The following TNFRSF10C variants were observed in gnomAD, a reference collection of about 807,000 sequenced individuals.
TNFRSF10C encodes the protein TNF receptor superfamily member 10c.
Under a neutral mutation model 16.7 loss-of-function variants are expected in TNFRSF10C, and 17 were observed. That is an observed-to-expected ratio of 1.02 (90% CI 0.70 to 1.53). The LOEUF is 1.53. Among genes scored for constraint, TNFRSF10C ranks in the 40% most tolerant of loss-of-function variants. TNFRSF10C has a pLI of 0.00. For missense variants in TNFRSF10C, 237 were observed against 329.7 expected, an observed-to-expected ratio of 0.72 and a Z score of 2.18; for synonymous variants, 73 against 119.7, an observed-to-expected ratio of 0.61 and a Z score of 2.55.
At chr8:23,109,640 AAAAAAAG>A (rs200513632) in intron 1 of TNFRSF10C, among the ~76,000 whole-genome samples, 5 of 152,220 alleles carry the variant, frequency 3.3e-5, no homozygotes, top group Middle Eastern at 3.4e-3. Flanking sequence ...ATCTCAAAAA[AAAAAAAG>A]AAAAAGAAAA....
chr8:23,114,821 G>C (rs1585249115), intron 3 of TNFRSF10C, 51 bp downstream of exon 3: 1 of 1,528,508 alleles, frequency 6.5e-7, no homozygotes, highest in African/African-American at 1.4e-5. Flanking sequence ...GGGCAATGAG[G>C]TGGGAGTTGT....
intron 2 of TNFRSF10C, among the ~76,000 whole-genome samples, chr8:23,113,923 T>C (rs1813927750): frequency 6.7e-6 from 1 of 148,318 alleles, no homozygotes; most frequent in Admixed American, 6.8e-5. Context: ...GCCACTGCAC[T>C]CCAGCCAGGT....
chr8:23,104,387 T>G (rs908039929), intron 1 of TNFRSF10C, among the ~76,000 whole-genome samples: 2 of 152,250 alleles, frequency 1.3e-5, no homozygotes, highest in African/African-American at 4.8e-5. Context: ...GGTATTGTAT[T>G]TTACTGCATG....
Position 23,117,333 on chromosome 8 carries a change from A to G in TNFRSF10C, c.*302A>G. On this transcript the variant is annotated 3_prime_UTR_variant, in exon 5 of 5. Transcript: ENST00000356864. ...CAAGAGGGCAGGGCCAGTTCCTCCC[A>G]TCTTCAGGCCCAGCCAGGCAGGGGG... The G allele has an allele frequency of 6.3e-6, 3 of 476,466 alleles. No individual in the cohort carries two copies. The South Asian group carries it at 8.6e-5, about 14-fold the overall frequency. 29.5% of individuals were successfully genotyped at this position (476,466 alleles called of 1,614,324 possible).
At chr8:23,113,825 C>T (rs1016980006) in intron 2 of TNFRSF10C, among the ~76,000 whole-genome samples, 6 of 151,810 alleles carry the variant, frequency 4.0e-5, no homozygotes, top group African/African-American at 9.7e-5. Flanking sequence ...CGTGGTGGTG[C>T]GTCGCCTATA....
intron 1 of TNFRSF10C, among the ~76,000 whole-genome samples, chr8:23,105,388 C>G (rs1048185148): frequency 1.3e-5 from 2 of 152,228 alleles, no homozygotes; most frequent in African/African-American, 2.4e-5. Flanking sequence ...GAGGCTGCCC[C>G]TGTTCCTACC....
At chr8:23,111,653 T>G (rs1203585582) in intron 1 of TNFRSF10C, 67 bp from the exon 2 acceptor site, 33 of 1,254,950 alleles carry the variant, frequency 2.6e-5, no homozygotes, top group African/African-American at 7.4e-5. Context: ...GAAGGGAATG[T>G]GAGATGGAGC....
intron 2 of TNFRSF10C, among the ~76,000 whole-genome samples, chr8:23,112,280 C>T (rs1445141218): frequency 1.3e-5 from 2 of 152,202 alleles, no homozygotes; most frequent in African/African-American, 4.8e-5. Context: ...TTATGCAATA[C>T]TATCCCAATT....
Position 23,114,784 on chromosome 8 carries a change from G to A in TNFRSF10C, c.280+14G>A, listed in dbSNP as rs547073184. On this transcript the variant is annotated intron_variant, in intron 3 of 4. Coordinates refer to ENST00000356864, the MANE Select transcript of TNFRSF10C (RefSeq NM_003841.5). Reference sequence around the variant, plus strand: ...TTTGTAAATCAGGTACAGAATGTGTGGACCTCTTGTCCAGAGGTGGAGCGT... The same window carrying A: ...TTTGTAAATCAGGTACAGAATGTGTAGACCTCTTGTCCAGAGGTGGAGCGT... 5 of 1,609,366 alleles carry A rather than the reference G, an allele frequency of 3.1e-6. No homozygotes were observed. In the East Asian group the frequency reaches 8.9e-5, roughly 29 times the overall value.
chr8:23,115,394 C>T, intron 3 of TNFRSF10C, 114 bp from the exon 4 acceptor site: 1 of 789,462 alleles, frequency 1.3e-6, no homozygotes, highest in Non-Finnish European at 2.1e-6. Context: ...AGAAACTGGC[C>T]CTTAGAACTC....
Position 23,103,311 on chromosome 8 carries a change from C to G in TNFRSF10C, c.60+130C>G. ...GCCGGGCATGTCCGGGCAGGACGAA[C>G]TCGCCGTCGGAGTCAGGGGAAGAAC... On this transcript the variant is annotated intron_variant, in intron 1 of 4. Coordinates refer to ENST00000356864, the MANE Select transcript of TNFRSF10C (RefSeq NM_003841.5). 3 of 1,486,386 alleles carry G rather than the reference C, an allele frequency of 2.0e-6. No individual in the cohort carries two copies. The South Asian group carries it at 3.6e-5, about 18-fold the overall frequency. 92.1% of individuals were successfully genotyped at this position (1,486,386 alleles called of 1,614,324 possible).
intron 2 of TNFRSF10C, 66 bp downstream of exon 2, chr8:23,111,891 A>T: frequency 6.9e-7 from 1 of 1,438,978 alleles, no homozygotes; most frequent in South Asian, 1.2e-5. Flanking sequence ...TGTATTTATG[A>T]TGTACACCAT....
intron 1 of TNFRSF10C, among the ~76,000 whole-genome samples, chr8:23,107,746 C>T (rs1303086381): frequency 2.0e-5 from 3 of 152,150 alleles, no homozygotes; most frequent in Non-Finnish European, 4.4e-5. Context: ...TCAACTATAT[C>T]AATTATTGCA....
intron 2 of TNFRSF10C, among the ~76,000 whole-genome samples, chr8:23,112,574 C>T (rs1034790144): frequency 4.6e-5 from 7 of 152,194 alleles, no homozygotes; most frequent in Non-Finnish European, 8.8e-5. Flanking sequence ...AGGTGTTTGC[C>T]TTTCTGTGCC....
chr8:23,110,271 T>C (rs1039503406), intron 1 of TNFRSF10C, among the ~76,000 whole-genome samples: 1 of 152,144 alleles, frequency 6.6e-6, no homozygotes, highest in East Asian at 1.9e-4. Context: ...AGCTTCACTG[T>C]CACCAACTGC....
chr8:23,113,756 G>A (rs1333535703), intron 2 of TNFRSF10C, among the ~76,000 whole-genome samples: 1 of 152,084 alleles, frequency 6.6e-6, no homozygotes, highest in African/African-American at 2.4e-5. Context: ...TCTTTTGTTT[G>A]TTTTGCTTAA....
rs1197471166 is a variant in TNFRSF10C, at chr8:23,115,062, C to G, written c.280+292C>G. Among the ~76,000 whole-genome samples, 3 of 152,162 alleles carry G rather than the reference C, an allele frequency of 2.0e-5. No homozygotes were observed. In the East Asian group the frequency reaches 5.8e-4, roughly 29 times the overall value. The stretch of plus-strand genomic sequence containing the variant: ...GCTAGGTTTCAGTAGTGGCACGGGT[C>G]TGCTCCAGGGCCAGGCTCTCTCCCC... On this transcript the variant is annotated intron_variant, in intron 3 of 4. Transcript: ENST00000356864.
At chr8:23,111,583 G>A (rs1813879089) in intron 1 of TNFRSF10C, 137 bp from the exon 2 acceptor site, 2 of 705,074 alleles carry the variant, frequency 2.8e-6, no homozygotes, top group Non-Finnish European at 2.5e-6. Flanking sequence ...AGGTATGAAA[G>A]AATGAAAGTT....
chr8:23,103,094 G>T lies in TNFRSF10C; in HGVS notation c.-28G>T, dbSNP rs1813695275. On this transcript the variant is annotated 5_prime_UTR_variant, in exon 1 of 5. Coordinates refer to ENST00000356864, the MANE Select transcript of TNFRSF10C (RefSeq NM_003841.5). ...ATGGCCGAGGCAGGGTGCGACCCAGGACCCAGGACGGCGTCGGGAACCATA... is the reference window on the plus strand; with the variant it reads ...ATGGCCGAGGCAGGGTGCGACCCAGTACCCAGGACGGCGTCGGGAACCATA... 1 of 1,605,718 alleles carries T rather than the reference G, an allele frequency of 6.2e-7. No homozygotes were observed. The highest frequency in any genetic ancestry group is 1.7e-5 in the Admixed American group (1 of 58,830).
Sources: gnomAD v4.1 joint callset for allele counts (sites outside exome capture counted in the v4.1 genomes callset) on GRCh38, gnomAD v4.1.1 for gene constraint, MANE v1.5 for transcripts, NCBI Gene and HGNC (gene_info 2026-07-23, HGNC 2026-07-21) for gene names.